Variants in PTPRT observed in about 807,000 individuals in gnomAD.
PTPRT encodes protein tyrosine phosphatase receptor type T, also known as receptor-type tyrosine-protein phosphatase T.
Under a neutral mutation model 176.8 loss-of-function variants are expected in PTPRT, and 56 were observed. That is an observed-to-expected ratio of 0.32 (90% confidence interval 0.26 to 0.40). The LOEUF (loss-of-function observed/expected upper bound fraction) is 0.40, where lower values mean the gene tolerates loss of function less well. Ranked by LOEUF, PTPRT falls within the 10% of genes least tolerant of loss-of-function variation. The probability of loss-of-function intolerance (pLI) is 1.00; values close to 1 mark genes in which losing one functional copy is unlikely to be tolerated. For missense variants in PTPRT, 1,540 were observed against 1,908.2 expected (o/e 0.81, Z 3.60); for synonymous variants, 783 against 739.0 (o/e 1.06, Z -0.96).
chr20:42,581,665 G>T (rs1348019653), intron 7 of PTPRT, among the ~76,000 whole-genome samples: 1 of 152,174 alleles, frequency 6.6e-6, no homozygotes, highest in Non-Finnish European at 1.5e-5. Flanking sequence ...AAATGAGTTT[G>T]CATAGAGAAG....
chr20:42,201,816 C>T (rs1991461852), intron 15 of PTPRT, among the ~76,000 whole-genome samples: 1 of 151,432 alleles, frequency 6.6e-6, no homozygotes, highest in Non-Finnish European at 1.5e-5. Context: ...CTAGCTGAAC[C>T]CAACAAGTCA....
At chr20:42,793,921 C>T (rs1011204265) in intron 2 of PTPRT, among the ~76,000 whole-genome samples, 9 of 151,930 alleles carry the variant, frequency 5.9e-5, no homozygotes, top group African/African-American at 1.7e-4. Flanking sequence ...AGCAAAGTGT[C>T]TCTCTCCTCT....
chr20:42,096,756 A>ATTTTTTTTTTT (rs58111170), intron 27 of PTPRT, among the ~76,000 whole-genome samples: 3 of 118,864 alleles, frequency 2.5e-5, no homozygotes, highest in Non-Finnish European at 1.7e-5. Flanking sequence ...GCTAATTAAA[A>ATTTTTTTTTTT]TTTTTTTTTT....
the PTPRT span, among the ~76,000 whole-genome samples, chr20:42,035,877 A>G: frequency 2.6e-5 from 4 of 152,346 alleles, no homozygotes; most frequent in South Asian, 8.3e-4. Context: ...CACTGAATGC[A>G]CTAGATTGCA....
At chr20:42,306,588 A>G (rs2057547141) in intron 12 of PTPRT, among the ~76,000 whole-genome samples, 1 of 152,186 alleles carries the variant, frequency 6.6e-6, no homozygotes, top group Non-Finnish European at 1.5e-5. Flanking sequence ...AATAAAATCC[A>G]GGAATCGATT....
intron 1 of PTPRT, among the ~76,000 whole-genome samples, chr20:43,127,204 A>T (rs1364758160): frequency 1.3e-5 from 2 of 152,092 alleles, no homozygotes; most frequent in Admixed American, 1.3e-4. Flanking sequence ...CGGGCGGATC[A>T]CAAGGTCAGG....
chr20:42,418,892 A>C (rs1284753777), intron 9 of PTPRT, among the ~76,000 whole-genome samples: 2 of 152,176 alleles, frequency 1.3e-5, no homozygotes, highest in Non-Finnish European at 2.9e-5. Flanking sequence ...CCTTTGAGAA[A>C]GACTTCCCAA....
At chr20:42,670,149 C>G (rs547020582) in intron 7 of PTPRT, among the ~76,000 whole-genome samples, 9 of 152,248 alleles carry the variant, frequency 5.9e-5, no homozygotes, top group African/African-American at 2.2e-4. Context: ...AAAACAGGGT[C>G]CATCATGCTA....
At chr20:42,620,922 C>T (rs1169627059) in intron 7 of PTPRT, among the ~76,000 whole-genome samples, 2 of 152,198 alleles carry the variant, frequency 1.3e-5, no homozygotes, top group African/African-American at 4.8e-5. Flanking sequence ...ACGCTGGGAG[C>T]TGTAGACCGG....
intron 18 of PTPRT, among the ~76,000 whole-genome samples, chr20:42,140,563 T>C (rs892782018): frequency 2.0e-5 from 3 of 152,170 alleles, no homozygotes; most frequent in Non-Finnish European, 4.4e-5. Context: ...ACACAAGTTA[T>C]TGTCACTGTT....
At chr20:42,782,636 T>C (rs779415139) in intron 3 of PTPRT, among the ~76,000 whole-genome samples, 85 of 152,216 alleles carry the variant, frequency 5.6e-4, no homozygotes, top group South Asian at 1.2e-3. Context: ...TTCTCAAATC[T>C]TCCCATGTCA....
chr20:42,717,970 T>C (rs765766220), intron 6 of PTPRT, among the ~76,000 whole-genome samples: 1 of 152,236 alleles, frequency 6.6e-6, no homozygotes, highest in Non-Finnish European at 1.5e-5. Context: ...TATCACCACA[T>C]ACCTACCAGA....
At chr20:42,474,439 G>A (rs954108819) in intron 7 of PTPRT, among the ~76,000 whole-genome samples, 35 of 152,206 alleles carry the variant, frequency 2.3e-4, no homozygotes, top group Non-Finnish European at 4.6e-4. Flanking sequence ...CGTGGCTGCA[G>A]GAGTGAGGGT....
chr20:42,824,617 T>C (rs1389650874), intron 2 of PTPRT, among the ~76,000 whole-genome samples: 1 of 152,028 alleles, frequency 6.6e-6, no homozygotes, highest in African/African-American at 2.4e-5. Flanking sequence ...AAAAATTAAT[T>C]AACTAGCTAA....
chr20:42,068,636 G>C (rs1182741041), downstream of PTPRT, among the ~76,000 whole-genome samples: 1 of 152,166 alleles, frequency 6.6e-6, no homozygotes, highest in Non-Finnish European at 1.5e-5. Context: ...TATCTTCTCT[G>C]AGGCTTCTTT....
intron 9 of PTPRT, among the ~76,000 whole-genome samples, chr20:42,362,180 T>G (rs540106029): frequency 3.3e-4 from 50 of 152,120 alleles, no homozygotes; most frequent in Admixed American, 5.9e-4. Context: ...GCTGGGAGGA[T>G]TGCGTGAGCC....
At chr20:42,370,244 C>G (rs962713067) in intron 9 of PTPRT, among the ~76,000 whole-genome samples, 3 of 152,212 alleles carry the variant, frequency 2.0e-5, no homozygotes, top group African/African-American at 7.2e-5. Context: ...CAGGAAGCAG[C>G]TGTGTGGGCT....
chr20:42,909,481 C>T (rs771027480), intron 1 of PTPRT, among the ~76,000 whole-genome samples: 13 of 152,204 alleles, frequency 8.5e-5, no homozygotes, highest in African/African-American at 1.2e-4. Context: ...ATATTGCACA[C>T]AGCCCTTCCT....
intron 9 of PTPRT, among the ~76,000 whole-genome samples, chr20:42,381,878 T>TG (rs373155191): frequency 6.6e-6 from 1 of 152,198 alleles, no homozygotes; most frequent in African/African-American, 2.4e-5. Context: ...TGCCTTTTTT[T>TG]GTATAAAAGA....
Sources: allele counts gnomAD v4.1 joint callset (sites outside exome capture counted in the v4.1 genomes callset), GRCh38; gene constraint gnomAD v4.1.1; transcripts MANE v1.5; gene names NCBI Gene and HGNC (gene_info 2026-07-23, HGNC 2026-07-21).